Variants in SELENOF observed in about 807,000 individuals in gnomAD.
SELENOF encodes selenoprotein F, also known as 15 kDa selenoprotein.
SELENOF carries 16 observed loss-of-function variants against 20.5 expected under a neutral mutation model. That is an observed-to-expected ratio of 0.78 (90% confidence interval 0.53 to 1.19). The LOEUF (loss-of-function observed/expected upper bound fraction) is 1.19. Ranked by LOEUF, SELENOF falls within the 50% of genes most tolerant of loss-of-function variation. SELENOF has a pLI of 0.00. For synonymous variants in SELENOF, 78 were observed against 74.5 expected, an observed-to-expected ratio of 1.05 and a Z score of -0.24; for missense variants, 215 against 194.2, an observed-to-expected ratio of 1.11 and a Z score of -0.64.
rs775506738 is a variant in SELENOF, at chr1:86,892,354, TTTATA to T, written c.252+10922_252+10926del. 6.6e-4 allele frequency among the ~76,000 whole-genome samples: 100 copies of T among 152,356 alleles called. 1 individual carries two copies. Among genetic ancestry groups the T allele is most frequent in the South Asian group, 1.2e-3 (6 of 4,830 alleles). On this transcript the variant is annotated intron_variant, in intron 2 of 4. Transcript: ENST00000331835. ...AAAAACCTTCTTTGTGAATAATGCT[TTTATA>T]TTATAATTAGAATATGTTAAAGACA...
At chr1:86,898,882 T>C (rs576945365) in intron 2 of SELENOF, among the ~76,000 whole-genome samples, 1 of 151,964 alleles carries the variant, frequency 6.6e-6, no homozygotes, top group South Asian at 2.1e-4. Flanking sequence ...GGTCAGCAGA[T>C]AAACAAGTGA....
At chr1:86,901,315 G>A (rs2102123609) in intron 2 of SELENOF, among the ~76,000 whole-genome samples, 1 of 151,890 alleles carries the variant, frequency 6.6e-6, no homozygotes, top group Non-Finnish European at 1.5e-5. Flanking sequence ...TTCTATACTT[G>A]CATGTGGTTT....
chr1:86,885,946 T>C (rs995526515), intron 2 of SELENOF, among the ~76,000 whole-genome samples: 3 of 152,226 alleles, frequency 2.0e-5, no homozygotes, highest in Non-Finnish European at 4.4e-5. Context: ...ATTATAAGAT[T>C]AATACTTCCA....
chr1:86,869,483 CA>C (rs1658698761), intron 3 of SELENOF, among the ~76,000 whole-genome samples: 1 of 151,984 alleles, frequency 6.6e-6, no homozygotes, highest in South Asian at 2.1e-4. Context: ...TTTTCCCGTG[CA>C]AATGAAAAAG....
intron 3 of SELENOF, among the ~76,000 whole-genome samples, chr1:86,875,710 C>T (rs948187270): frequency 2.0e-5 from 3 of 152,086 alleles, no homozygotes; most frequent in African/African-American, 7.2e-5. Flanking sequence ...AGGCAAAAGA[C>T]CAGTACGCCA....
At chr1:86,908,515 A>G (rs1002503476) in intron 1 of SELENOF, among the ~76,000 whole-genome samples, 29 of 152,228 alleles carry the variant, frequency 1.9e-4, no homozygotes, top group Non-Finnish European at 4.0e-4. Context: ...CAGCAACAAG[A>G]TTCTAATTCT....
At chr1:86,885,919 A>T (rs1659203229) in intron 2 of SELENOF, among the ~76,000 whole-genome samples, 2 of 152,222 alleles carry the variant, frequency 1.3e-5, no homozygotes, top group Non-Finnish European at 2.9e-5. Flanking sequence ...TTAGATGCTC[A>T]ATATATAACA....
chr1:86,895,259 T>C lies in SELENOF; in HGVS notation c.252+8022A>G, dbSNP rs761628543. ...CAAATCTGATAGTTTATATTTCATA[T>C]CTATTTTCTTTTACCCTACTTTGTC... On this transcript the variant is annotated intron_variant, in intron 2 of 4. Coordinates refer to ENST00000331835, the MANE Select transcript of SELENOF (RefSeq NM_004261.5). 2.5e-4 allele frequency among the ~76,000 whole-genome samples: 38 copies of C among 152,320 alleles called. 1 individual carries two copies. The highest frequency in any genetic ancestry group is 4.6e-4 in the Admixed American group (7 of 15,308).
At chr1:86,875,606 AG>A (rs751160048) in intron 3 of SELENOF, among the ~76,000 whole-genome samples, 2 of 152,234 alleles carry the variant, frequency 1.3e-5, no homozygotes, top group African/African-American at 2.4e-5. Context: ...TCTTAATACC[AG>A]GTGCAATGTT....
intron 1 of SELENOF, among the ~76,000 whole-genome samples, chr1:86,907,775 G>A (rs546263674): frequency 4.5e-4 from 69 of 152,218 alleles, no homozygotes; most frequent in African/African-American, 1.5e-3. Context: ...CCTAAGGTCA[G>A]GAGTTTGAGA....
intron 3 of SELENOF, among the ~76,000 whole-genome samples, chr1:86,870,776 G>T (rs191657844): frequency 4.6e-5 from 7 of 152,206 alleles, no homozygotes; most frequent in African/African-American, 1.7e-4. Context: ...CCGCCACCAC[G>T]CACAGCTAAT....
chr1:86,869,765 T>C (rs1658709714), intron 3 of SELENOF, among the ~76,000 whole-genome samples: 1 of 151,672 alleles, frequency 6.6e-6, no homozygotes, highest in Non-Finnish European at 1.5e-5. Flanking sequence ...TTCTTTCTTT[T>C]TTTGAGACGG....
At chr1:86,867,452 A>G (rs553389093) in intron 4 of SELENOF, among the ~76,000 whole-genome samples, 2 of 151,998 alleles carry the variant, frequency 1.3e-5, no homozygotes, top group Non-Finnish European at 2.9e-5. Context: ...AGATGGTGCC[A>G]CTGCACTCCA....
At chr1:86,870,037 T>C (rs2102072030) in intron 3 of SELENOF, among the ~76,000 whole-genome samples, 1 of 152,304 alleles carries the variant, frequency 6.6e-6, no homozygotes, top group South Asian at 2.1e-4. Flanking sequence ...CCTCCCAAAG[T>C]GCTGGGATTA....
Position 86,880,685 on chromosome 1 carries a change from A to G in SELENOF, c.293T>C (p.Leu98Ser). 1 of 1,595,964 alleles carries G rather than the reference A, an allele frequency of 6.3e-7. No individual in the cohort carries two copies. The highest frequency in any genetic ancestry group is 8.5e-7 in the Non-Finnish European group (1 of 1,170,418). ...GAILEVCGUK[L>S]GRFPQVQAFV... The stretch of plus-strand genomic sequence containing the variant: ...ACCTTGGACTTGAGGGAACCTTCCC[A>G]ATTTTCATCCACAAACTTCAAGAAT... The change falls in exon 3 of 5, where the codon TTG becomes TCG. Residue 98 changes from leucine (L) to serine (S), a missense_variant. Coordinates refer to ENST00000331835, the MANE Select transcript of SELENOF (RefSeq NM_004261.5).
chr1:86,872,048 C>T (rs926280498), intron 3 of SELENOF, among the ~76,000 whole-genome samples: 2 of 152,058 alleles, frequency 1.3e-5, no homozygotes, highest in African/African-American at 4.8e-5. Flanking sequence ...CACCATTTAC[C>T]ATCTGGGTTC....
At chr1:86,910,708 A>G (rs1659958885) in intron 1 of SELENOF, among the ~76,000 whole-genome samples, 1 of 151,920 alleles carries the variant, frequency 6.6e-6, no homozygotes, top group Admixed American at 6.6e-5. Flanking sequence ...ATATCAAAAA[A>G]AAAAAAAAAA....
Position 86,871,803 on chromosome 1 carries a change from T to C in SELENOF, c.317-3701A>G, listed in dbSNP as rs570814798. Among the ~76,000 whole-genome samples the C allele has an allele frequency of 4.2e-4, 59 of 141,512 alleles. No homozygotes were observed. The South Asian group carries it at 0.012, about 30-fold the overall frequency. The allele number at this position is 141,512 out of a possible 152,430, so 92.8% of individuals were successfully genotyped here. A position where few individuals can be genotyped will look rare whatever the true frequency, so the allele number is the denominator to read the frequency against. ...TTGTATAAAAAGATTGGTATTTGAA[T>C]ACATAATATTATTTGTTGTATTCTT... is the stretch of plus-strand genomic sequence containing the variant. On this transcript the variant is annotated intron_variant, in intron 3 of 4. Transcript: ENST00000331835.
chr1:86,887,010 A>T, intron 2 of SELENOF: 1 of 793,642 alleles, frequency 1.3e-6, no homozygotes. Context: ...TCACACAGAA[A>T]CTATTTTTAG....
Sources: allele counts gnomAD v4.1 joint callset (sites outside exome capture counted in the v4.1 genomes callset), GRCh38; gene constraint gnomAD v4.1.1; transcripts MANE v1.5; gene names NCBI Gene and HGNC (gene_info 2026-07-23, HGNC 2026-07-21).